EIF4B: variants seen among roughly 807,000 people sequenced by gnomAD.
The protein encoded by EIF4B is eukaryotic translation initiation factor 4B.
A neutral mutation model predicts 79.3 loss-of-function variants in EIF4B; 8 were observed. The observed-to-expected ratio is 0.10, with a 90% CI of 0.06 to 0.18. The LOEUF (loss-of-function observed/expected upper bound fraction) is 0.18. Ranked by LOEUF, EIF4B falls within the 10% of genes least tolerant of loss-of-function variation. The probability of loss-of-function intolerance (pLI) is 1.00; values close to 1 mark genes in which losing one functional copy is unlikely to be tolerated. For synonymous variants in EIF4B, 238 were observed against 274.7 expected, an observed-to-expected ratio of 0.87 and a Z score of 1.32; for missense variants, 515 against 792.4, an observed-to-expected ratio of 0.65 and a Z score of 4.20.
At chr12:53,029,664 G>A (rs1180833624) in intron 8 of EIF4B, among the ~76,000 whole-genome samples, 4 of 152,064 alleles carry the variant, frequency 2.6e-5, no homozygotes, top group African/African-American at 7.2e-5. Flanking sequence ...ATGAGCCACC[G>A]TGCCCGGCCA....
intron 3 of EIF4B, 151 bp downstream of exon 3, chr12:53,019,157 G>A: frequency 1.0e-6 from 1 of 976,280 alleles, no homozygotes; most frequent in Non-Finnish European, 1.5e-6. Flanking sequence ...CCAGCACTCT[G>A]GGAGTCTGAG....
Position 53,037,409 on chromosome 12 carries a change from A to G in EIF4B, c.1307A>G (p.Asn436Ser), listed in dbSNP as rs1943557293. The change falls in exon 11 of 15, where the codon AAT (asparagine) becomes AGT (serine). Residue 436 changes from asparagine to serine, a missense_variant and splice_region_variant. By Grantham distance (46) the Asn-to-Ser change is conservative. Coordinates refer to ENST00000262056, the MANE Select transcript of EIF4B (RefSeq NM_001417.7). ...TGATATTTTCACTCTGGCTTCACAG[A>G]TGCACGAAGGAGAGAGAGTGAGAAG... Reference protein sequence around the residue: ...QTGTSTTSSRNARRRESEKSL... With the variant: ...QTGTSTTSSRSARRRESEKSL... 4 of 1,611,246 alleles carry G rather than the reference A, an allele frequency of 2.5e-6. No individual in the cohort carries two copies. Among genetic ancestry groups the G allele is most frequent in the African/African-American group, 2.7e-5 (2 of 74,872 alleles).
chr12:53,015,544 G>A (rs542273724), intron 1 of EIF4B, among the ~76,000 whole-genome samples: 9 of 151,986 alleles, frequency 5.9e-5, no homozygotes, highest in South Asian at 4.2e-4. Flanking sequence ...TCAGCTGGGC[G>A]TGGTAGTGTG....
rs371831740 is a variant in EIF4B, at chr12:53,006,507, A to C, written c.13+11A>C. The C allele has an allele frequency of 5.1e-5, 82 of 1,613,580 alleles. No homozygotes were observed. Among genetic ancestry groups the C allele is most frequent in the South Asian group, 2.5e-4 (23 of 91,074 alleles). On this transcript the variant is annotated intron_variant, in intron 1 of 14. Transcript: ENST00000262056. ...ACATGGCGGCCTCAGGTGAGCGAGC[A>C]GCCGAGCGCGGCCAAGGACTGGGCT...
intron 3 of EIF4B, among the ~76,000 whole-genome samples, 174 bp from the exon 4 acceptor site, chr12:53,019,736 G>A (rs559444941): frequency 6.6e-6 from 1 of 150,514 alleles, no homozygotes; most frequent in South Asian, 2.1e-4. Context: ...GTATAATAGG[G>A]CATTTAGTAA....
At chr12:53,015,321 CTG>C (rs1358726043) in intron 1 of EIF4B, among the ~76,000 whole-genome samples, 1 of 152,180 alleles carries the variant, frequency 6.6e-6, no homozygotes, top group African/African-American at 2.4e-5. Context: ...TCTAATGTCT[CTG>C]TAACTTTACA....
chr12:53,029,847 T>C (rs1159334501), intron 8 of EIF4B, among the ~76,000 whole-genome samples: 5 of 152,070 alleles, frequency 3.3e-5, no homozygotes, highest in African/African-American at 1.2e-4. Context: ...TGCAGTGAGG[T>C]CTTTCCTTCT....
rs759061266 is a variant in EIF4B, at chr12:53,030,413, C to CTTTTTTTTTTTTTTTTTT, written c.979+2233_979+2250dup. ...GAAATAGGTTTTAAAAAATTATATT[C>CTTTTTTTTTTTTTTTTTT]TTTTTTTTTTTTTTTTTTTTTTTTT... On this transcript the variant is annotated intron_variant, in intron 8 of 14. Coordinates refer to ENST00000262056, the MANE Select transcript of EIF4B (RefSeq NM_001417.7). Among the ~76,000 whole-genome samples, 148 of 43,076 alleles carry CTTTTTTTTTTTTTTTTTT rather than the reference C, an allele frequency of 3.4e-3. 41 individuals are homozygous for CTTTTTTTTTTTTTTTTTT. Among genetic ancestry groups the CTTTTTTTTTTTTTTTTTT allele is most frequent in the East Asian group, 0.011 (11 of 1,042 alleles). The allele number at this position is 43,076 out of a possible 152,430, so 28.3% of individuals were successfully genotyped here.
At position 53,039,290 on chromosome 12, in the gene EIF4B, T is replaced by C. The variant is rs1425181469; in HGVS notation, c.1629T>C (p.Ser543=). The part of the protein sequence containing the change: ...MNAPKGQTGN[S]SRGPGDGGNR... ...CCCCAAAAGGCCAAACTGGGAACTC[T>C]AGCCGTGGTCCAGGCGACGGAGGGA... The change falls in exon 13 of 15, where the codon TCT becomes TCC. Residue 543 remains serine, a synonymous_variant. Coordinates refer to ENST00000262056, the MANE Select transcript of EIF4B (RefSeq NM_001417.7). 2 of 1,611,554 alleles carry C rather than the reference T, an allele frequency of 1.2e-6. No homozygotes were observed. Among genetic ancestry groups the C allele is most frequent in the Non-Finnish European group, 8.5e-7 (1 of 1,178,546 alleles).
intron 9 of EIF4B, 70 bp downstream of exon 9, chr12:53,034,104 G>A: frequency 2.8e-6 from 4 of 1,446,066 alleles, no homozygotes; most frequent in African/African-American, 1.4e-5. Flanking sequence ...CATCCCCAGG[G>A]GCATTTGGGA....
Position 53,029,919 on chromosome 12 carries a change from G to T in EIF4B, c.979+1731G>T, listed in dbSNP as rs911996830. On this transcript the variant is annotated intron_variant, in intron 8 of 14. Coordinates refer to ENST00000262056, the MANE Select transcript of EIF4B (RefSeq NM_001417.7). Reference sequence around the variant, plus strand: ...AAATAATAATAATAATTCAATGTTTGTTTTTTTTAAAAAAAACTTAGGCCA... The same window carrying T: ...AAATAATAATAATAATTCAATGTTTTTTTTTTTTAAAAAAAACTTAGGCCA... Among the ~76,000 whole-genome samples, 14 of 51,572 alleles carry T rather than the reference G, an allele frequency of 2.7e-4. No individual in the cohort carries two copies. In the South Asian group the frequency reaches 9.4e-3, roughly 35 times the overall value. The allele number at this position is 51,572 out of a possible 152,430, so 33.8% of individuals were successfully genotyped here. A position where few individuals can be genotyped will look rare whatever the true frequency, so the allele number is the denominator to read the frequency against.
intron 5 of EIF4B, 56 bp downstream of exon 5, chr12:53,021,916 C>G: frequency 1.2e-6 from 2 of 1,604,162 alleles, no homozygotes; most frequent in Non-Finnish European, 1.7e-6. Flanking sequence ...GACACCAAGC[C>G]ATCCTTTCCC....
chr12:53,021,353 G>C (rs1943244734), intron 4 of EIF4B, among the ~76,000 whole-genome samples: 2 of 152,278 alleles, frequency 1.3e-5, no homozygotes, highest in South Asian at 4.2e-4. Flanking sequence ...GGCTGGATTT[G>C]AACTCCTGGG....
At chr12:53,030,999 C>A (rs189369500) in intron 8 of EIF4B, among the ~76,000 whole-genome samples, 14 of 151,580 alleles carry the variant, frequency 9.2e-5, no homozygotes, top group African/African-American at 3.4e-4. Flanking sequence ...TTGCTCTTAC[C>A]CCCCCATTCC....
chr12:53,014,812 TC>T (rs1020891931), intron 1 of EIF4B: 1 of 152,176 alleles, frequency 6.6e-6, no homozygotes, highest in African/African-American at 2.4e-5. Context: ...ATGAAGCCAA[TC>T]TTTTTTACAA....
At position 53,040,219 on chromosome 12, in the gene EIF4B, A is replaced by G. The variant is rs1055127814; in HGVS notation, c.1832A>G (p.Glu611Gly). The G allele has an allele frequency of 3.7e-6, 6 of 1,613,034 alleles. No individual in the cohort carries two copies. In the African/African-American group the frequency reaches 5.3e-5, roughly 14 times the overall value. The change falls in exon 15 of 15, where the codon GAA becomes GGA. Residue 611 changes from glutamate to glycine, a missense_variant. Coordinates refer to ENST00000262056, the MANE Select transcript of EIF4B (RefSeq NM_001417.7). ...EDENEGEDYA[E>G] ...GAAAATGAGGGAGAAGATTATGCCG[A>G]ATAGACCTCTACATCCTGTGCTTTT...
intron 8 of EIF4B, among the ~76,000 whole-genome samples, chr12:53,028,837 G>A (rs1943385277): frequency 6.6e-6 from 1 of 151,948 alleles, no homozygotes; most frequent in South Asian, 2.1e-4. Context: ...TAAAAACGAA[G>A]CATTAAGGCC....
chr12:53,009,000 A>G (rs1338620950), intron 1 of EIF4B, among the ~76,000 whole-genome samples: 1 of 152,100 alleles, frequency 6.6e-6, no homozygotes, highest in African/African-American at 2.4e-5. Flanking sequence ...GTGCCATTGC[A>G]CTCCAGCCTG....
At chr12:53,016,417 A>C (rs1200549927) in intron 1 of EIF4B, 56 bp from the exon 2 acceptor site, 3 of 1,605,456 alleles carry the variant, frequency 1.9e-6, no homozygotes, top group Non-Finnish European at 2.6e-6. Context: ...TGCATTGTAC[A>C]ACTCTGTAAA....
Sources: gnomAD v4.1 joint callset for allele counts (sites outside exome capture counted in the v4.1 genomes callset) on GRCh38, gnomAD v4.1.1 for gene constraint, MANE v1.5 for transcripts, NCBI Gene and HGNC (gene_info 2026-07-23, HGNC 2026-07-21) for gene names.